Variants in TG observed in about 807,000 individuals in gnomAD.
TG encodes the protein thyroglobulin.
TG carries 270 observed loss-of-function variants against 324.7 expected under a neutral mutation model. The ratio of observed to expected loss-of-function variants is 0.83; its 90% CI spans 0.75 to 0.92. TG has a LOEUF of 0.92. TG is among the 40% of genes least tolerant of loss of function. The pLI, the probability that TG is intolerant of heterozygous loss-of-function variation, is 0.00. For missense variants in TG, 3,591 were observed against 3,456.4 expected (o/e 1.04, Z -0.98); for synonymous variants, 1,401 against 1,327.0 (o/e 1.06, Z -1.21).
chr8:132,974,943 C>T (rs1053380110), intron 34 of TG, among the ~76,000 whole-genome samples: 2 of 152,178 alleles, frequency 1.3e-5, no homozygotes, highest in Non-Finnish European at 2.9e-5. Flanking sequence ...CTTCAGCATC[C>T]TGTGATTTGA....
Position 132,963,039 on chromosome 8 carries a change from A to G in TG, c.5513A>G (p.Asp1838Gly), listed in dbSNP as rs748407079. 25 of 1,613,926 alleles carry G rather than the reference A, an allele frequency of 1.5e-5. No individual in the cohort carries two copies. The highest frequency in any genetic ancestry group is 2.0e-5 in the Non-Finnish European group (24 of 1,179,918). The change falls in exon 29 of 48, where the codon GAC becomes GGC. Residue 1838 changes from aspartate to glycine, a missense_variant. Coordinates refer to ENST00000220616, the MANE Select transcript of TG (RefSeq NM_003235.5). ...SRPESMGCRK[D>G]TVPRPASPTE... is the part of the protein sequence containing the mutation. ...CCTGAGTCTATGGGATGTAGAAAAG[A>G]CACAGTGCCAAGGCCAGCATCTCCA...
At chr8:132,919,237 A>C in intron 20 of TG, 139 bp from the exon 21 acceptor site, 2 of 908,720 alleles carry the variant, frequency 2.2e-6, no homozygotes, top group East Asian at 2.7e-5. Flanking sequence ...TCTGACACAC[A>C]GTAGGTTCTC....
intron 10 of TG, 105 bp from the exon 11 acceptor site, chr8:132,893,585 G>C (rs1253159695): frequency 1.3e-6 from 2 of 1,483,336 alleles, no homozygotes; most frequent in African/African-American, 2.8e-5. Context: ...TGTGTGGTGT[G>C]TGTGTGGTGT....
At chr8:132,994,982 A>C (rs967571842) in intron 35 of TG, 3 of 975,762 alleles carry the variant, frequency 3.1e-6, no homozygotes, top group Non-Finnish European at 3.6e-6. Flanking sequence ...TTTCCCTTTA[A>C]ATTTTGTAAT....
intron 41 of TG, among the ~76,000 whole-genome samples, chr8:133,058,670 C>T (rs1381758069): frequency 2.6e-5 from 4 of 152,244 alleles, no homozygotes; most frequent in South Asian, 2.1e-4. Flanking sequence ...TGAGAAAGAG[C>T]CCGGCATTCT....
rs750525597 is a variant in TG, at chr8:132,908,470, T to A, written c.4002+130T>A. The A allele has an allele frequency of 1.5e-3, 397 of 258,706 alleles. 105 individuals are homozygous for A. The highest frequency in any genetic ancestry group is 2.6e-3 in the Non-Finnish European group (363 of 141,194). The allele number at this position is 258,706 out of a possible 1,614,324, so 16.0% of individuals were successfully genotyped here. On this transcript the variant is annotated intron_variant, in intron 18 of 47. Coordinates refer to ENST00000220616, the MANE Select transcript of TG (RefSeq NM_003235.5). ...CCCATCTTCAAGTGTTTGCTGGAAC[T>A]AATAGTGAATTCTCTTGGCAGCCTT...
intron 5 of TG, 151 bp downstream of exon 5, chr8:132,873,372 T>C (rs1458425973): frequency 9.2e-7 from 1 of 1,091,288 alleles, no homozygotes; most frequent in South Asian, 1.4e-5. Context: ...GCATCTAAAG[T>C]GCCACGGCGT....
intron 43 of TG, among the ~76,000 whole-genome samples, chr8:133,111,642 T>C (rs1165019182): frequency 6.6e-6 from 1 of 152,198 alleles, no homozygotes; most frequent in East Asian, 1.9e-4. Flanking sequence ...GGTAAGAGTA[T>C]GGAGTGTGAA....
At chr8:133,071,411 T>C (rs970767719) in intron 41 of TG, among the ~76,000 whole-genome samples, 3 of 152,318 alleles carry the variant, frequency 2.0e-5, no homozygotes, top group Non-Finnish European at 4.4e-5. Context: ...AGGAAAGGGA[T>C]GGAGGGCAGC....
chr8:133,000,729 G>A (rs2037541), intron 35 of TG, among the ~76,000 whole-genome samples: 48,989 of 152,122 alleles, frequency 0.32, 8,093 homozygotes, highest in Non-Finnish European at 0.35. Context: ...GATAGGGTGG[G>A]AAGTATCAGT....
chr8:132,955,301 G>C (rs114007999), intron 27 of TG, among the ~76,000 whole-genome samples: 3,702 of 152,240 alleles, frequency 0.024, 145 homozygotes, highest in African/African-American at 0.085. Context: ...CCTGTCACCT[G>C]TTCAGTGGCC....
At chr8:133,040,151 C>G (rs369387375) in intron 41 of TG, 6 of 1,574,180 alleles carry the variant, frequency 3.8e-6, no homozygotes, top group Non-Finnish European at 3.4e-6. Flanking sequence ...AAGCAGACAG[C>G]CGGTCAGGGA....
At chr8:133,041,795 T>TTG (rs1554706675) in intron 41 of TG, among the ~76,000 whole-genome samples, 1 of 150,238 alleles carries the variant, frequency 6.7e-6, no homozygotes, top group Non-Finnish European at 1.5e-5. Context: ...TTTTTTTTTT[T>TTG]TTTTTTTTTT....
chr8:132,929,602 A>T (rs1822394672), intron 23 of TG, among the ~76,000 whole-genome samples: 1 of 136,042 alleles, frequency 7.4e-6, no homozygotes, highest in Non-Finnish European at 1.7e-5. Flanking sequence ...TGCTATCCTG[A>T]GTTACAGAAG....
chr8:132,999,329 C>T (rs1772852635), intron 35 of TG, among the ~76,000 whole-genome samples: 1 of 151,096 alleles, frequency 6.6e-6, no homozygotes, highest in Admixed American at 6.6e-5. Flanking sequence ...AAAAAAAAAA[C>T]TAGAATCTAT....
chr8:132,871,474 A>C lies in TG; in HGVS notation c.401A>C (p.Gln134Pro). 1 of 1,614,210 alleles carries C rather than the reference A, an allele frequency of 6.2e-7. No individual in the cohort carries two copies. The highest frequency in any genetic ancestry group is 8.5e-7 in the Non-Finnish European group (1 of 1,180,030). The change falls in exon 4 of 48, where the codon CAG becomes CCG. Residue 134 changes from glutamine (Q) to proline (P), a missense_variant. By Grantham distance (76) the Gln-to-Pro change is moderately conservative. Transcript: ENST00000220616. The part of the protein sequence containing the change: ...GDYAPVQCDV[Q>P]QVQCWCVDAE... Reference sequence around the variant, plus strand: ...TACGCGCCTGTTCAGTGTGATGTGCAGCAGGTCCAGTGCTGGTGTGTGGAC... The same window carrying C: ...TACGCGCCTGTTCAGTGTGATGTGCCGCAGGTCCAGTGCTGGTGTGTGGAC...
At chr8:133,085,258 T>G (rs1277926707) in intron 41 of TG, among the ~76,000 whole-genome samples, 1 of 152,198 alleles carries the variant, frequency 6.6e-6, no homozygotes. Flanking sequence ...TATCTATCTA[T>G]AGAATGCAAG....
chr8:132,981,950 C>A (rs1432830507), intron 34 of TG, among the ~76,000 whole-genome samples: 3 of 152,090 alleles, frequency 2.0e-5, no homozygotes, highest in East Asian at 1.9e-4. Context: ...GTGAGGCGAC[C>A]CACGCAAGGA....
chr8:133,075,472 C>T (rs1206359944), intron 41 of TG, among the ~76,000 whole-genome samples: 2 of 152,152 alleles, frequency 1.3e-5, no homozygotes, highest in Non-Finnish European at 2.9e-5. Context: ...CTAGAAAGAA[C>T]ATTATGAGAT....
Sources: gnomAD v4.1 joint callset for allele counts (sites outside exome capture counted in the v4.1 genomes callset) on GRCh38, gnomAD v4.1.1 for gene constraint, MANE v1.5 for transcripts, NCBI Gene and HGNC (gene_info 2026-07-23, HGNC 2026-07-21) for gene names.